XPNPEP1: variants seen among roughly 807,000 people sequenced by gnomAD.
The protein encoded by XPNPEP1 is X-prolyl aminopeptidase 1, also known as xaa-Pro aminopeptidase 1.
In XPNPEP1, 39 loss-of-function variants were observed where a neutral mutation model predicts 92.4. The observed-to-expected ratio is 0.42, with a 90% CI of 0.33 to 0.55. The LOEUF (loss-of-function observed/expected upper bound fraction) is 0.55, where lower values mean the gene tolerates loss of function less well. Among genes scored for constraint, XPNPEP1 ranks in the 20% least tolerant of loss-of-function variants. The probability of loss-of-function intolerance (pLI) is 0.08; values close to 1 mark genes in which losing one functional copy is unlikely to be tolerated. For missense variants in XPNPEP1, 654 were observed against 856.1 expected, an observed-to-expected ratio of 0.76 and a Z score of 2.95; for synonymous variants, 307 against 299.4, an observed-to-expected ratio of 1.03 and a Z score of -0.26.
Position 109,915,126 on chromosome 10 carries a change from G to T in XPNPEP1, c.33-27C>A, listed in dbSNP as rs1245571313. 2.1e-6 allele frequency: 3 copies of T among 1,441,296 alleles called. No homozygotes were observed. In the African/African-American group the frequency reaches 4.2e-5, roughly 20 times the overall value. The allele number at this position is 1,441,296 out of a possible 1,614,324, so 89.3% of individuals were successfully genotyped here. On this transcript the variant is annotated intron_variant, in intron 1 of 20. Transcript: ENST00000502935. ...TTAAGGAGAGAAAGAACAGGAAGTT[G>T]CAGACTTTGACCACAATAAACGTGG...
At chr10:109,880,104 C>G in intron 12 of XPNPEP1, 84 bp downstream of exon 12, 2 of 1,372,778 alleles carry the variant, frequency 1.5e-6, no homozygotes, top group Non-Finnish European at 2.1e-6. Flanking sequence ...GTCAGCAGAG[C>G]ATGGGAGATG....
chr10:109,923,310 GCGCGTCCCT>G, intron 1 of XPNPEP1, 83 bp downstream of exon 1: 2 of 1,284,150 alleles, frequency 1.6e-6, no homozygotes. Context: ...CTCCTCACCC[GCGCGTCCCT>G]GCCCGCCGAG....
chr10:109,895,546 A>C (rs1389577271), intron 3 of XPNPEP1, among the ~76,000 whole-genome samples: 3 of 152,254 alleles, frequency 2.0e-5, no homozygotes, highest in Non-Finnish European at 4.4e-5. Flanking sequence ...ATTGCTAAGC[A>C]AGGCTGGCCA....
At chr10:109,871,934 G>A in intron 16 of XPNPEP1, 73 bp from the exon 17 acceptor site, 1 of 1,440,626 alleles carries the variant, frequency 6.9e-7, no homozygotes, top group South Asian at 1.3e-5. Context: ...TGGTAGTTCA[G>A]AAAATCCTGC....
At chr10:109,914,622 CCCCA>C (rs1482190468) in intron 2 of XPNPEP1, among the ~76,000 whole-genome samples, 8 of 152,116 alleles carry the variant, frequency 5.3e-5, no homozygotes, top group African/African-American at 1.9e-4. Flanking sequence ...CATGGAGAAA[CCCCA>C]TCTCTACTAA....
At chr10:109,875,168 C>A (rs1847710609) in intron 15 of XPNPEP1, among the ~76,000 whole-genome samples, 1 of 152,184 alleles carries the variant, frequency 6.6e-6, no homozygotes, top group Admixed American at 6.5e-5. Flanking sequence ...TAATCCCTTA[C>A]TTCATAAGGC....
In XPNPEP1 at chr10:109,891,745, C is replaced by T; in HGVS notation, c.392G>A (p.Ser131Asn). The T allele has an allele frequency of 6.3e-7, 1 of 1,589,880 alleles. No homozygotes were observed. The highest frequency in any genetic ancestry group is 1.2e-5 in the South Asian group (1 of 86,550). The stretch of plus-strand genomic sequence containing the variant: ...ACCCATCTTCATAAGTGTCCAGTTG[C>T]TGTCCATTTGCTTGGCAGCCTGGAG... Reference protein sequence around the residue: ...YFLQAAKQMDSNWTLMKMGLK... With the variant: ...YFLQAAKQMDNNWTLMKMGLK... The change falls in exon 5 of 21, where the codon AGC (serine) becomes AAC (asparagine). Residue 131 changes from serine (S) to asparagine (N), a missense_variant. By Grantham distance (46) the Ser-to-Asn change is conservative. Transcript: ENST00000502935.
At chr10:109,905,370 T>G (rs1177641244) in intron 3 of XPNPEP1, among the ~76,000 whole-genome samples, 2 of 152,128 alleles carry the variant, frequency 1.3e-5, no homozygotes, top group Non-Finnish European at 2.9e-5. Flanking sequence ...CTACCAAGCC[T>G]GGCTAATTTT....
At chr10:109,877,724 C>G in intron 14 of XPNPEP1, 66 bp downstream of exon 14, 1 of 1,595,884 alleles carries the variant, frequency 6.3e-7, no homozygotes, top group East Asian at 2.2e-5. Flanking sequence ...AATAATGTCT[C>G]TCCCCTGCTC....
At position 109,880,934 on chromosome 10, in the gene XPNPEP1, A is replaced by G; in HGVS notation, c.1042-3T>C. 1.2e-6 allele frequency: 2 copies of G among 1,613,582 alleles called. No homozygotes were observed. Among genetic ancestry groups the G allele is most frequent in the Non-Finnish European group, 1.7e-6 (2 of 1,179,742 alleles). On this transcript the variant is annotated splice_polypyrimidine_tract_variant and splice_region_variant and intron_variant, in intron 10 of 20. Coordinates refer to ENST00000502935, the MANE Select transcript of XPNPEP1 (RefSeq NM_020383.4). ...TAAGGCATACAGCAGCGGTGGTCCT[A>G]GAGGCAAAGGGCAGTAGGGTGGGAA...
chr10:109,893,236 G>GCA, intron 3 of XPNPEP1, 161 bp from the exon 4 acceptor site: 1 of 607,336 alleles, frequency 1.6e-6, no homozygotes, highest in Non-Finnish European at 2.9e-6. Context: ...CAACAGATTA[G>GCA]CACACACTGC....
intron 5 of XPNPEP1, chr10:109,891,218 G>GA (rs2133444385): frequency 6.6e-6 from 1 of 152,588 alleles, no homozygotes; most frequent in African/African-American, 2.4e-5. Context: ...TACAGATGAG[G>GA]AAACTAAAGC....
chr10:109,886,450 A>G (rs1330186467), intron 7 of XPNPEP1, 109 bp from the exon 8 acceptor site: 5 of 992,070 alleles, frequency 5.0e-6, no homozygotes, highest in Middle Eastern at 2.1e-4. Flanking sequence ...TTCTTACAGG[A>G]GCACGCTACT....
At position 109,873,373 on chromosome 10, in the gene XPNPEP1, G is replaced by A. The variant is rs778274041; in HGVS notation, c.1446C>T (p.Tyr482=). ...TTTTTTACCTCCACCTTACCTTCTC[G>A]TAGGCTGTAGGGGTCCCAAAATGCA... The part of the protein sequence containing the change: ...RTMHFGTPTA[Y]EKECFTYVLK... Residue 482 remains tyrosine (Y), a synonymous_variant, in exon 16 of 21, where the codon TAC becomes TAT. Coordinates refer to ENST00000502935, the MANE Select transcript of XPNPEP1 (RefSeq NM_020383.4). The A allele has an allele frequency of 6.2e-6, 10 of 1,614,052 alleles. No individual in the cohort carries two copies. Among genetic ancestry groups the A allele is most frequent in the Admixed American group, 1.7e-5 (1 of 60,008 alleles).
chr10:109,888,517 A>T lies in XPNPEP1; in HGVS notation c.494T>A (p.Leu165Ter). The stretch of plus-strand genomic sequence containing the variant: ...AGCTCACTTACCTGTAGGAATGATC[A>T]AGGGGTCCACACCAACCCTGGATCC... ...PEGSRVGVDPLIIPTDYWKKM... is the reference protein window; with the variant it reads ...PEGSRVGVDP The change falls in exon 6 of 21, where the codon TTG becomes TAG. Residue 165 changes from leucine (L) to a stop codon, truncating the protein, a stop_gained. Coordinates refer to ENST00000502935, the MANE Select transcript of XPNPEP1 (RefSeq NM_020383.4). LOFTEE classifies it high-confidence loss of function. 6.2e-7 allele frequency: 1 copy of T among 1,611,108 alleles called. No individual in the cohort carries two copies. The highest frequency in any genetic ancestry group is 8.5e-7 in the Non-Finnish European group (1 of 1,178,488).
intron 2 of XPNPEP1, among the ~76,000 whole-genome samples, chr10:109,913,681 GTCCATGCTCTATTACACCATAT>G (rs1206013341): frequency 1.3e-5 from 2 of 152,174 alleles, no homozygotes; most frequent in South Asian, 2.1e-4. Context: ...CAATTCCCAA[GTCCATGCTCTATTACACCATAT>G]TAGCTGGGGG....
intron 2 of XPNPEP1, among the ~76,000 whole-genome samples, chr10:109,910,001 T>C (rs1043072428): frequency 6.6e-6 from 1 of 152,198 alleles, no homozygotes; most frequent in Non-Finnish European, 1.5e-5. Flanking sequence ...ATTCGTGGTG[T>C]TGTACATTCT....
chr10:109,889,392 G>A (rs970956392), intron 5 of XPNPEP1, among the ~76,000 whole-genome samples: 2 of 152,174 alleles, frequency 1.3e-5, no homozygotes, highest in African/African-American at 4.8e-5. Context: ...TAGTAAAGAC[G>A]GGGTTTCACC....
chr10:109,892,286 C>A (rs1340278067), intron 4 of XPNPEP1, among the ~76,000 whole-genome samples: 2 of 152,148 alleles, frequency 1.3e-5, no homozygotes, highest in African/African-American at 4.8e-5. Context: ...CTGCTGTGGT[C>A]ACTAGCAGGA....
Sources: gnomAD v4.1 joint callset for allele counts (sites outside exome capture counted in the v4.1 genomes callset) on GRCh38, gnomAD v4.1.1 for gene constraint, MANE v1.5 for transcripts, NCBI Gene and HGNC (gene_info 2026-07-23, HGNC 2026-07-21) for gene names.